The following KRT83 variants were observed in gnomAD, a reference collection of about 807,000 sequenced individuals.
KRT83 encodes keratin 83, also known as keratin, type II cuticular Hb3.
In KRT83, 51 loss-of-function variants were observed where a neutral mutation model predicts 52.9. The observed-to-expected ratio is 0.96, with a 90% CI of 0.77 to 1.22. The LOEUF is 1.22. Ranked by LOEUF, KRT83 falls within the 50% of genes most tolerant of loss-of-function variation. KRT83 has a pLI of 0.00. For synonymous variants in KRT83, 278 were observed against 274.1 expected, an observed-to-expected ratio of 1.01 and a Z score of -0.14; for missense variants, 654 against 666.5, an observed-to-expected ratio of 0.98 and a Z score of 0.21.
chr12:52,317,630 T>G (rs112016211), intron 4 of KRT83, 51 bp downstream of exon 4: 6 of 1,586,050 alleles, frequency 3.8e-6, no homozygotes, highest in African/African-American at 2.7e-5. Flanking sequence ...GGGCAGAGGG[T>G]CAGGGATCCC....
rs1938652157 is a variant in KRT83 at position 52,314,358 on chromosome 12, C to G, written c.*273G>C. On this transcript the variant is annotated 3_prime_UTR_variant, in exon 9 of 9. Coordinates refer to ENST00000293670, the MANE Select transcript of KRT83 (RefSeq NM_002282.3). ...CAAGAGGCCAGAGAGGCAGGGGGAA[C>G]AGTCTCACAGTGCTTCTTCCAGGGA... 5.5e-6 allele frequency: 3 copies of G among 543,608 alleles called. No homozygotes were observed. The highest frequency in any genetic ancestry group is 4.1e-5 in the South Asian group (2 of 48,576). 33.7% of individuals were successfully genotyped at this position (543,608 alleles called of 1,614,324 possible). A position where few individuals can be genotyped will look rare whatever the true frequency, so the allele number is the denominator to read the frequency against.
At chr12:52,314,867 A>C in intron 8 of KRT83, 49 bp from the exon 9 acceptor site, 1 of 1,521,406 alleles carries the variant, frequency 6.6e-7, no homozygotes, top group Non-Finnish European at 9.0e-7. Context: ...TGGCCATCCC[A>C]TCCAGCCACC....
In KRT83 at chr12:52,314,677, A is replaced by T; in HGVS notation, c.1436T>A (p.Leu479Gln). The T allele has an allele frequency of 1.9e-6, 3 of 1,581,204 alleles. No individual in the cohort carries two copies. Among genetic ancestry groups the T allele is most frequent in the Non-Finnish European group, 2.6e-6 (3 of 1,163,554 alleles). Residue 479 changes from leucine to glutamine, a missense_variant, in exon 9 of 9, where the codon CTG becomes CAG. Coordinates refer to ENST00000293670, the MANE Select transcript of KRT83 (RefSeq NM_002282.3). The stretch of plus-strand genomic sequence containing the variant: ...GGAGCCCCCTCCACAGGTGGTGTTC[A>T]GCTGGCCACAGGGCTTGCACAAACC... Reference protein sequence around the residue: ...STGLCKPCGQLNTTCGGGSCG... With the variant: ...STGLCKPCGQQNTTCGGGSCG...
chr12:52,320,763 C>T (rs1054266897), intron 1 of KRT83, among the ~76,000 whole-genome samples, 189 bp downstream of exon 1: 7 of 152,208 alleles, frequency 4.6e-5, no homozygotes, highest in African/African-American at 1.7e-4. Context: ...TTAATCTCCC[C>T]CATCAGTCTG....
chr12:52,314,783 C>A lies in KRT83; in HGVS notation c.1330G>T (p.Asp444Tyr), dbSNP rs1189940123. The change falls in exon 9 of 9, where the codon GAT becomes TAT. Residue 444 changes from aspartate to tyrosine, a missense_variant. Transcript: ENST00000293670. ...GGCCGGGAGCCCGACACGCAGAGAT[C>A]CCCGCACACAACCCCACCCCGGGAG... Reference protein sequence around the residue: ...SSSRGGVVCGDLCVSGSRPVT... With the variant: ...SSSRGGVVCGYLCVSGSRPVT... 6.2e-7 allele frequency: 1 copy of A among 1,606,842 alleles called. No homozygotes were observed. The highest frequency in any genetic ancestry group is 1.1e-5 in the South Asian group (1 of 89,064).
rs139308736 is a variant in KRT83, at chr12:52,317,016, C to T, written c.758G>A (p.Arg253His). The T allele has an allele frequency of 4.8e-5, 78 of 1,614,020 alleles. No individual in the cohort carries two copies. The African/African-American group carries it at 5.3e-4, about 11-fold the overall frequency. The change falls in exon 5 of 9, where the codon CGC becomes CAC. Residue 253 changes from arginine (R) to histidine (H), a missense_variant. Arg to His is a conservative substitution (Grantham distance 29, BLOSUM62 0). Coordinates refer to ENST00000293670, the MANE Select transcript of KRT83 (RefSeq NM_002282.3). ...GTCTGAGATGTGGGATTGGAGAATG[C>T]GGATCTCCTGCAGGAGGTGGGGAAA... Reference protein sequence around the residue: ...FLRRLYEEEIRILQSHISDTS... With the variant: ...FLRRLYEEEIHILQSHISDTS...
intron 4 of KRT83, 148 bp from the exon 5 acceptor site, chr12:52,317,171 T>C (rs1408898018): frequency 4.6e-5 from 50 of 1,094,416 alleles, no homozygotes; most frequent in Non-Finnish European, 6.7e-5. Context: ...TCTGCACAAA[T>C]AGGAAATCCC....
chr12:52,318,172 GT>G (rs1004106949), intron 2 of KRT83, among the ~76,000 whole-genome samples: 25 of 150,914 alleles, frequency 1.7e-4, no homozygotes, highest in African/African-American at 4.1e-4. Context: ...CTACTCCCCT[GT>G]TTTTTTTTGT....
At chr12:52,319,997 G>A (rs4237898) in intron 1 of KRT83, among the ~76,000 whole-genome samples, 8 of 151,912 alleles carry the variant, frequency 5.3e-5, no homozygotes, top group Non-Finnish European at 7.4e-5. Context: ...GATCTTCTGC[G>A]CTGCAGGGGG....
At position 52,319,455 on chromosome 12, in the gene KRT83, C is replaced by A; in HGVS notation, c.385-91G>T. On this transcript the variant is annotated intron_variant, in intron 1 of 8. Transcript: ENST00000293670. ...AGCACGAGGGCCTGAAAGCCCCCAACTCTCTGACCCAGAGTCTTCCCTGGA... is the reference window on the plus strand; with the variant it reads ...AGCACGAGGGCCTGAAAGCCCCCAAATCTCTGACCCAGAGTCTTCCCTGGA... The A allele has an allele frequency of 2.6e-6, 4 of 1,554,760 alleles. No individual in the cohort carries two copies. The South Asian group carries it at 4.5e-5, about 18-fold the overall frequency.
chr12:52,317,622 G>A (rs1477259672), intron 4 of KRT83, 59 bp downstream of exon 4: 1 of 1,569,796 alleles, frequency 6.4e-7, no homozygotes, highest in African/African-American at 1.4e-5. Context: ...GGGTGTCTGG[G>A]CAGAGGGTCA....
At position 52,320,974 on chromosome 12, in the gene KRT83, C is replaced by G; in HGVS notation, c.362G>C (p.Arg121Thr). The change falls in exon 1 of 9, where the codon AGA becomes ACA. Residue 121 changes from arginine (R) to threonine (T), a missense_variant. Arg to Thr is a moderately conservative substitution (Grantham distance 71). Transcript: ENST00000293670. ...EKEQIKSLNSRFAAFIDKVRF... is the reference protein window; with the variant it reads ...EKEQIKSLNSTFAAFIDKVRF... ...CACCTTGTCGATGAAGGCCGCGAAT[C>G]TGCTGTTGAGGGACTTGATCTGCTC... 6 of 1,613,866 alleles carry G rather than the reference C, an allele frequency of 3.7e-6. No homozygotes were observed. Among genetic ancestry groups the G allele is most frequent in the Non-Finnish European group, 5.1e-6 (6 of 1,179,886 alleles).
Position 52,321,046 on chromosome 12 carries a change from T to G in KRT83, c.290A>C (p.Asn97Thr), listed in dbSNP as rs762443407. The G allele has an allele frequency of 5.8e-5, 93 of 1,612,620 alleles. No individual in the cohort carries two copies. Among genetic ancestry groups the G allele is most frequent in the Non-Finnish European group, 7.6e-5 (90 of 1,179,880 alleles). ...SVNESLLTPL[N>T]LEIDPNAQCV... is the part of the protein sequence containing the mutation. ...CTGCGCGTTGGGGTCTATCTCCAGG[T>G]TGAGGGGCGTGAGGAGGCTCTCGTT... The change falls in exon 1 of 9, where the codon AAC (asparagine) becomes ACC (threonine). Residue 97 changes from asparagine to threonine, a missense_variant. Asn to Thr is a moderately conservative substitution (Grantham distance 65). Coordinates refer to ENST00000293670, the MANE Select transcript of KRT83 (RefSeq NM_002282.3).
intron 1 of KRT83, 97 bp downstream of exon 1, chr12:52,320,855 G>A: frequency 6.2e-7 from 1 of 1,610,250 alleles, no homozygotes; most frequent in East Asian, 2.2e-5. Context: ...GAACTTCTGT[G>A]GGCAAGTTCT....
At chr12:52,318,714 T>G (rs1448541140) in intron 2 of KRT83, among the ~76,000 whole-genome samples, 4 of 152,218 alleles carry the variant, frequency 2.6e-5, no homozygotes, top group Non-Finnish European at 5.9e-5. Context: ...GATCTGTGGC[T>G]CTGTCATGAC....
rs1418638899 is a variant in KRT83, at chr12:52,315,313, G to A, written c.1293C>T (p.Val431=). The part of the protein sequence containing the change: ...RLCEGVEAVN[V]CVSSSRGGVV... Reference sequence around the variant, plus strand: ...CTTTTCAGGGCTCAAGATACTTACAGACATTCACAGCTTCAACACCTTCAC... The same window carrying A: ...CTTTTCAGGGCTCAAGATACTTACAAACATTCACAGCTTCAACACCTTCAC... Residue 431 remains valine, a splice_region_variant and synonymous_variant, in exon 8 of 9, where the codon GTC becomes GTT. Transcript: ENST00000293670. 2.5e-6 allele frequency: 4 copies of A among 1,613,606 alleles called. No homozygotes were observed. The African/African-American group carries it at 5.3e-5, about 22-fold the overall frequency.
At chr12:52,318,148 G>T (rs1179615781) in intron 2 of KRT83, among the ~76,000 whole-genome samples, 178 bp from the exon 3 acceptor site, 1 of 152,092 alleles carries the variant, frequency 6.6e-6, no homozygotes, top group Non-Finnish European at 1.5e-5. Flanking sequence ...GGATGCACTG[G>T]AGAAATGAAG....
At chr12:52,319,631 C>T (rs1364253530) in intron 1 of KRT83, among the ~76,000 whole-genome samples, 1 of 152,170 alleles carries the variant, frequency 6.6e-6, no homozygotes, top group African/African-American at 2.4e-5. Flanking sequence ...CACTTGTTAA[C>T]ATTGTGCCCT....
rs2852459 is a variant in KRT83, at chr12:52,317,992, G to A, written c.594-22C>T. On this transcript the variant is annotated intron_variant, in intron 2 of 8. Transcript: ENST00000293670. Reference sequence around the variant, plus strand: ...ATACCTGAGGTGAGCAGGGAGAACAGGACCTTGTCTGAACAGCTCTTGATC... The same window carrying A: ...ATACCTGAGGTGAGCAGGGAGAACAAGACCTTGTCTGAACAGCTCTTGATC... The A allele has an allele frequency of 0.41, 657,645 of 1,607,202 alleles. 137,398 individuals carry two copies. The highest frequency in any genetic ancestry group is 0.49 in the African/African-American group (36,382 of 74,718).
Sources: gnomAD v4.1 joint callset for allele counts (sites outside exome capture counted in the v4.1 genomes callset) on GRCh38, gnomAD v4.1.1 for gene constraint, MANE v1.5 for transcripts, NCBI Gene and HGNC (gene_info 2026-07-23, HGNC 2026-07-21) for gene names.